Variants in MTURN observed in about 807,000 individuals in gnomAD.
The protein encoded by MTURN is maturin.
In MTURN, 7 loss-of-function variants were observed where a neutral mutation model predicts 14.9. The ratio of observed to expected loss-of-function variants is 0.47; its 90% CI spans 0.27 to 0.88. MTURN has a LOEUF of 0.88. Ranked by LOEUF, MTURN falls within the 40% of genes least tolerant of loss-of-function variation. The probability of loss-of-function intolerance (pLI) is 0.14; values close to 1 mark genes in which losing one functional copy is unlikely to be tolerated. For synonymous variants in MTURN, 69 were observed against 72.5 expected, an observed-to-expected ratio of 0.95 and a Z score of 0.25; for missense variants, 151 against 174.1, an observed-to-expected ratio of 0.87 and a Z score of 0.75.
rs1797392451 is a variant in MTURN at position 30,162,641 on chromosome 7, A to G, written c.*5093A>G. On this transcript the variant is annotated 3_prime_UTR_variant, in exon 3 of 3. Coordinates refer to ENST00000324453, the MANE Select transcript of MTURN (RefSeq NM_152793.3). ...CTGTTGCCCTTCGTTAGATGCTTCA[A>G]ACAGTGTAAATCCTATACTGCACCC... 6.6e-6 allele frequency: 1 copy of G among 152,570 alleles called. No homozygotes were observed. The highest frequency in any genetic ancestry group is 2.4e-5 in the African/African-American group (1 of 41,422). 9.5% of individuals were successfully genotyped at this position (152,570 alleles called of 1,614,324 possible).
chr7:30,142,329 G>A (rs763678822), intron 1 of MTURN, among the ~76,000 whole-genome samples: 45 of 152,280 alleles, frequency 3.0e-4, no homozygotes, highest in Middle Eastern at 6.8e-3. Context: ...GGCCAGGTTC[G>A]ATGACAGCCA....
chr7:30,148,431 G>A (rs1797159678), intron 2 of MTURN, among the ~76,000 whole-genome samples: 1 of 152,220 alleles, frequency 6.6e-6, no homozygotes, highest in Non-Finnish European at 1.5e-5. Flanking sequence ...AGCCCCCCAA[G>A]GGGTTAGGCA....
At chr7:30,145,978 G>A in intron 1 of MTURN, 199 bp from the exon 2 acceptor site, 3 of 1,551,094 alleles carry the variant, frequency 1.9e-6, no homozygotes, top group African/African-American at 2.7e-5. Context: ...CAAAAGCTCG[G>A]GGGCTTCTAT....
chr7:30,140,815 A>G (rs1019141173), intron 1 of MTURN: 11 of 152,200 alleles, frequency 7.2e-5, no homozygotes, highest in Admixed American at 3.9e-4. Flanking sequence ...GTGGATGGGC[A>G]TAATCGCTTA....
At chr7:30,138,044 T>C (rs1351011579) in intron 1 of MTURN, among the ~76,000 whole-genome samples, 1 of 152,204 alleles carries the variant, frequency 6.6e-6, no homozygotes, top group East Asian at 1.9e-4. Flanking sequence ...ATCAGACTAC[T>C]TGGGTTTGCA....
chr7:30,139,965 C>T (rs935004469), intron 1 of MTURN, among the ~76,000 whole-genome samples: 3 of 152,158 alleles, frequency 2.0e-5, no homozygotes, highest in African/African-American at 7.2e-5. Flanking sequence ...GGGAGGGCTC[C>T]TGGCCCTGGT....
At chr7:30,135,582 C>T (rs1161180845) in intron 1 of MTURN, among the ~76,000 whole-genome samples, 2 of 152,104 alleles carry the variant, frequency 1.3e-5, no homozygotes, top group South Asian at 2.1e-4. Flanking sequence ...CTCCTCTCCC[C>T]GCTGCTGCGG....
At chr7:30,146,082 T>A in intron 1 of MTURN, 95 bp from the exon 2 acceptor site, 1 of 1,599,352 alleles carries the variant, frequency 6.3e-7, no homozygotes, top group Non-Finnish European at 8.5e-7. Context: ...CAAATTGATG[T>A]TATTAAGAAA....
intron 1 of MTURN, among the ~76,000 whole-genome samples, chr7:30,143,639 G>C (rs1797087508): frequency 1.3e-5 from 2 of 152,114 alleles, no homozygotes; most frequent in African/African-American, 2.4e-5. Context: ...AACAGAACTG[G>C]TAATAGGTGG....
chr7:30,140,898 A>T (rs543757100), intron 1 of MTURN: 17 of 152,234 alleles, frequency 1.1e-4, no homozygotes, highest in African/African-American at 4.1e-4. Context: ...TGTAAATATA[A>T]TTATTTTCTG....
At chr7:30,146,551 G>GA (rs1487822452) in intron 2 of MTURN, among the ~76,000 whole-genome samples, 1 of 152,048 alleles carries the variant, frequency 6.6e-6, no homozygotes, top group Admixed American at 6.5e-5. Context: ...ATCCCTGATG[G>GA]GGGGGGAAGC....
chr7:30,148,581 C>T (rs1211170951), intron 2 of MTURN, among the ~76,000 whole-genome samples: 1 of 152,210 alleles, frequency 6.6e-6, no homozygotes, highest in African/African-American at 2.4e-5. Flanking sequence ...GTGGCCTGGA[C>T]TGGGACGGTC....
chr7:30,151,824 G>A (rs1400036868), intron 2 of MTURN, among the ~76,000 whole-genome samples: 1 of 152,126 alleles, frequency 6.6e-6, no homozygotes, highest in Non-Finnish European at 1.5e-5. Flanking sequence ...GTGTGACTCT[G>A]CGTTTCTTCT....
chr7:30,146,080 T>A, intron 1 of MTURN, 97 bp from the exon 2 acceptor site: 3 of 1,599,734 alleles, frequency 1.9e-6, no homozygotes, highest in Non-Finnish European at 2.6e-6. Context: ...TTCAAATTGA[T>A]GTTATTAAGA....
At chr7:30,138,019 G>C (rs1219289949) in intron 1 of MTURN, among the ~76,000 whole-genome samples, 1 of 152,192 alleles carries the variant, frequency 6.6e-6, no homozygotes, top group Non-Finnish European at 1.5e-5. Flanking sequence ...TGGTGGTTAA[G>C]CACACAGGCT....
intron 1 of MTURN, among the ~76,000 whole-genome samples, chr7:30,143,026 T>A (rs114114614): frequency 0.012 from 1,824 of 152,272 alleles, 38 homozygotes; most frequent in African/African-American, 0.041. Context: ...CATTTGTCTT[T>A]GTACAGGACT....
intron 2 of MTURN, among the ~76,000 whole-genome samples, chr7:30,150,714 G>C (rs979465300): frequency 6.6e-6 from 1 of 152,194 alleles, no homozygotes; most frequent in Non-Finnish European, 1.5e-5. Flanking sequence ...AAGAATAGCC[G>C]GACCTAGACG....
chr7:30,156,616 G>T (rs544606446), intron 2 of MTURN, among the ~76,000 whole-genome samples: 1 of 152,300 alleles, frequency 6.6e-6, no homozygotes, highest in Non-Finnish European at 1.5e-5. Context: ...CACAAGGTCA[G>T]AAGATCGAGA....
intron 2 of MTURN, among the ~76,000 whole-genome samples, chr7:30,150,175 G>A (rs943054485): frequency 1.1e-4 from 16 of 152,114 alleles, no homozygotes; most frequent in African/African-American, 3.9e-4. Flanking sequence ...GTTTTTGTTG[G>A]GTACTCAGTG....
Sources: allele counts gnomAD v4.1 joint callset (sites outside exome capture counted in the v4.1 genomes callset), GRCh38; gene constraint gnomAD v4.1.1; transcripts MANE v1.5; gene names NCBI Gene and HGNC (gene_info 2026-07-23, HGNC 2026-07-21).